The following GALNTL6 variants were observed in gnomAD, a reference collection of about 807,000 sequenced individuals.
The protein encoded by GALNTL6 is polypeptide N-acetylgalactosaminyltransferase like 6, also known as polypeptide N-acetylgalactosaminyltransferase-like 6.
A neutral mutation model predicts 73.7 loss-of-function variants in GALNTL6; 46 were observed. The ratio of observed to expected loss-of-function variants is 0.62; its 90% confidence interval spans 0.49 to 0.80. The LOEUF is 0.80. Among genes scored for constraint, GALNTL6 ranks in the 30% least tolerant of loss-of-function variants. The pLI, the probability that GALNTL6 is intolerant of heterozygous loss-of-function variation, is 0.00. For missense variants in GALNTL6, 604 were observed against 755.0 expected, an observed-to-expected ratio of 0.80 and a Z score of 2.34; for synonymous variants, 259 against 263.7, an observed-to-expected ratio of 0.98 and a Z score of 0.17.
At chr4:172,545,053 T>C (rs1338276029) in intron 5 of GALNTL6, among the ~76,000 whole-genome samples, 1 of 152,218 alleles carries the variant, frequency 6.6e-6, no homozygotes, top group Non-Finnish European at 1.5e-5. Context: ...TGTTAAGATA[T>C]ATGTGACATC....
intron 5 of GALNTL6, among the ~76,000 whole-genome samples, chr4:172,364,996 C>A (rs1475457302): frequency 6.6e-6 from 1 of 152,000 alleles, no homozygotes; most frequent in East Asian, 1.9e-4. Context: ...TGCTATTTCC[C>A]CAAAGACTAG....
intron 5 of GALNTL6, among the ~76,000 whole-genome samples, chr4:172,363,529 GC>G (rs1282032545): frequency 2.0e-5 from 3 of 152,120 alleles, no homozygotes; most frequent in South Asian, 4.1e-4. Flanking sequence ...GGATACAGAA[GC>G]CCATAACAAT....
chr4:172,861,610 C>T (rs747849235), intron 7 of GALNTL6, among the ~76,000 whole-genome samples: 4 of 152,114 alleles, frequency 2.6e-5, no homozygotes, highest in Non-Finnish European at 5.9e-5. Flanking sequence ...ATGTCCCCAC[C>T]CACATCTTAT....
rs200081092 is a variant in GALNTL6 at position 172,908,762 on chromosome 4, CA to C, written c.1042-22395del. On this transcript the variant is annotated intron_variant, in intron 8 of 12. Transcript: ENST00000506823. ...ACTAGGAATAAATTTAAGAAATGTGCAAAACTCTGTCAAAAAATGTTATAAT... is the reference window on the plus strand; with the variant it reads ...ACTAGGAATAAATTTAAGAAATGTGCAAACTCTGTCAAAAAATGTTATAAT... Among the ~76,000 whole-genome samples the C allele has an allele frequency of 8.6e-3, 1,294 of 150,792 alleles. 14 individuals are homozygous for C. Among genetic ancestry groups the C allele is most frequent in the African/African-American group, 0.027 (1,128 of 41,182 alleles).
chr4:172,018,717 A>G (rs960476113), intron 2 of GALNTL6, among the ~76,000 whole-genome samples: 1 of 152,124 alleles, frequency 6.6e-6, no homozygotes, highest in African/African-American at 2.4e-5. Context: ...CAAATCTGCA[A>G]CAGTTCCCTT....
At chr4:172,711,652 G>C (rs1032304224) in intron 5 of GALNTL6, among the ~76,000 whole-genome samples, 2 of 152,134 alleles carry the variant, frequency 1.3e-5, no homozygotes, top group Non-Finnish European at 2.9e-5. Flanking sequence ...GGACTTTTTT[G>C]TGAACATATT....
chr4:172,052,432 A>T, intron 2 of GALNTL6: 1 of 1,533,092 alleles, frequency 6.5e-7, no homozygotes, highest in African/African-American at 1.4e-5. Context: ...ACCCCAACCC[A>T]TTCACCAGCC....
intron 5 of GALNTL6, among the ~76,000 whole-genome samples, chr4:172,780,389 T>TA (rs1265529272): frequency 6.6e-6 from 1 of 152,212 alleles, no homozygotes; most frequent in Admixed American, 6.5e-5. Flanking sequence ...CAGGTAAACT[T>TA]ACCACTTTAT....
At chr4:171,963,213 T>C (rs182886205) in intron 2 of GALNTL6, among the ~76,000 whole-genome samples, 3 of 152,278 alleles carry the variant, frequency 2.0e-5, no homozygotes, top group Non-Finnish European at 4.4e-5. Context: ...GAAACTCTCA[T>C]TTTATTTGTG....
chr4:172,061,315 G>C (rs189709712), intron 2 of GALNTL6, among the ~76,000 whole-genome samples: 10 of 151,780 alleles, frequency 6.6e-5, no homozygotes, highest in Admixed American at 2.6e-4. Context: ...TCCTTCTCTG[G>C]CAAGGGAGAA....
intron 5 of GALNTL6, among the ~76,000 whole-genome samples, chr4:172,426,571 G>A (rs949076046): frequency 6.6e-6 from 1 of 152,100 alleles, no homozygotes; most frequent in African/African-American, 2.4e-5. Flanking sequence ...GGACACAGAT[G>A]CATCTAAGGA....
intron 5 of GALNTL6, among the ~76,000 whole-genome samples, chr4:172,372,879 A>G (rs1351690668): frequency 6.6e-6 from 1 of 152,190 alleles, no homozygotes. Context: ...TAGGGCAAGG[A>G]TAAGCCAGTA....
At chr4:172,425,523 A>T (rs1053492777) in intron 5 of GALNTL6, among the ~76,000 whole-genome samples, 5 of 152,176 alleles carry the variant, frequency 3.3e-5, no homozygotes, top group Admixed American at 3.3e-4. Context: ...CAAAGAAAAA[A>T]ATTGGCAAAA....
rs189980513 is a variant in GALNTL6 at position 172,679,867 on chromosome 4, G to A, written c.554-129494G>A. 1.9e-3 allele frequency among the ~76,000 whole-genome samples: 287 copies of A among 152,098 alleles called. 2 individuals are homozygous for A. The highest frequency in any genetic ancestry group is 3.5e-3 in the Non-Finnish European group (235 of 68,010). On this transcript the variant is annotated intron_variant, in intron 5 of 12. Coordinates refer to ENST00000506823, the MANE Select transcript of GALNTL6 (RefSeq NM_001034845.3). ...TCTCTTGAAAACACATATTGTCTCC[G>A]TGTCTTCTCCCAATAATTATATTCT...
At chr4:172,083,435 G>T (rs1037718976) in intron 2 of GALNTL6, among the ~76,000 whole-genome samples, 2 of 152,180 alleles carry the variant, frequency 1.3e-5, no homozygotes, top group African/African-American at 4.8e-5. Context: ...TGCTGATTTA[G>T]CTCAAGATTA....
intron 5 of GALNTL6, among the ~76,000 whole-genome samples, chr4:172,554,402 T>G (rs1167509815): frequency 6.6e-6 from 1 of 152,194 alleles, no homozygotes; most frequent in East Asian, 1.9e-4. Flanking sequence ...ATCATAAAAC[T>G]TTTTGTTAGT....
intron 2 of GALNTL6, among the ~76,000 whole-genome samples, chr4:171,828,161 C>G (rs1734874224): frequency 6.6e-6 from 1 of 152,160 alleles, no homozygotes; most frequent in African/African-American, 2.4e-5. Flanking sequence ...ATGAAATTAA[C>G]TGTAATACGT....
chr4:172,537,404 G>A (rs1320137164), intron 5 of GALNTL6, among the ~76,000 whole-genome samples: 1 of 152,170 alleles, frequency 6.6e-6, no homozygotes, highest in Non-Finnish European at 1.5e-5. Context: ...CACAAGGTCT[G>A]ATGGTTTTAT....
chr4:172,375,031 G>A (rs1184231407), intron 5 of GALNTL6, among the ~76,000 whole-genome samples: 1 of 152,180 alleles, frequency 6.6e-6, no homozygotes, highest in African/African-American at 2.4e-5. Context: ...AGCCTGGGGG[G>A]TTAGTGGTCC....
Sources: allele counts gnomAD v4.1 joint callset (sites outside exome capture counted in the v4.1 genomes callset), GRCh38; gene constraint gnomAD v4.1.1; transcripts MANE v1.5; gene names NCBI Gene and HGNC (gene_info 2026-07-23, HGNC 2026-07-21).